The following PTPRC variants were observed in gnomAD, a reference collection of about 807,000 sequenced individuals.
The protein encoded by PTPRC is protein tyrosine phosphatase receptor type C, also known as receptor-type tyrosine-protein phosphatase C.
PTPRC carries 44 observed loss-of-function variants against 155.9 expected under a neutral mutation model. The ratio of observed to expected loss-of-function variants is 0.28; its 90% CI spans 0.22 to 0.36. The LOEUF (loss-of-function observed/expected upper bound fraction) is 0.36, where lower values mean the gene tolerates loss of function less well. PTPRC is among the 10% of genes least tolerant of loss of function. The pLI is 1.00. For missense variants in PTPRC, 1,401 were observed against 1,564.6 expected (o/e 0.90, Z 1.76); for synonymous variants, 525 against 533.1 (o/e 0.98, Z 0.21).
At chr1:198,694,398 A>T (rs1041008451) in intron 3 of PTPRC, 4 of 1,118,732 alleles carry the variant, frequency 3.6e-6, no homozygotes, top group African/African-American at 1.6e-5. Flanking sequence ...CAATACGCTC[A>T]CAGGCACACC....
At position 198,640,696 on chromosome 1, in the gene PTPRC, A is replaced by T. The variant is rs558156275; in HGVS notation, c.73+1355A>T. 3.9e-5 allele frequency among the ~76,000 whole-genome samples: 6 copies of T among 152,150 alleles called. No homozygotes were observed. The South Asian group carries it at 1.2e-3, about 32-fold the overall frequency. On this transcript the variant is annotated intron_variant, in intron 2 of 32. Transcript: ENST00000442510. ...AAATCAGAACAGATTTTCATTTAAA[A>T]TTCCCACTCAGGAAATGTCGAAAAG...
chr1:198,709,377 G>A (rs1653165185), intron 10 of PTPRC, among the ~76,000 whole-genome samples: 1 of 151,848 alleles, frequency 6.6e-6, no homozygotes, highest in African/African-American at 2.4e-5. Context: ...AATGAATTTT[G>A]CATTTGAACT....
At chr1:198,643,908 C>G (rs536479078) in intron 2 of PTPRC, among the ~76,000 whole-genome samples, 3 of 151,938 alleles carry the variant, frequency 2.0e-5, no homozygotes, top group Admixed American at 1.3e-4. Flanking sequence ...ATTATTTGCA[C>G]GACAAAAGTT....
intron 2 of PTPRC, among the ~76,000 whole-genome samples, chr1:198,666,824 A>G (rs1664338879): frequency 6.6e-6 from 1 of 152,190 alleles, no homozygotes; most frequent in East Asian, 1.9e-4. Context: ...TGAGTATAAG[A>G]TACCTCAGTC....
At chr1:198,736,693 G>A (rs1001059460) in intron 23 of PTPRC, among the ~76,000 whole-genome samples, 1 of 151,506 alleles carries the variant, frequency 6.6e-6, no homozygotes, top group Admixed American at 6.6e-5. Context: ...CTTTCTTTGC[G>A]GTATATACCT....
At chr1:198,692,494 G>A in intron 3 of PTPRC, 121 bp downstream of exon 3, 2 of 1,125,326 alleles carry the variant, frequency 1.8e-6, no homozygotes, top group South Asian at 6.2e-5. Flanking sequence ...TTATAATCAT[G>A]AGTGATTCTT....
chr1:198,697,967 A>G, intron 4 of PTPRC, among the ~76,000 whole-genome samples: 1 of 152,182 alleles, frequency 6.6e-6, no homozygotes, highest in East Asian at 1.9e-4. Context: ...AGTAACTAGG[A>G]CCTGTCTAAA....
intron 2 of PTPRC, among the ~76,000 whole-genome samples, chr1:198,648,757 G>A (rs185452617): frequency 6.6e-6 from 1 of 151,900 alleles, no homozygotes; most frequent in Non-Finnish European, 1.5e-5. Context: ...ATACTGATGT[G>A]ATGTGTTACA....
intron 12 of PTPRC, among the ~76,000 whole-genome samples, chr1:198,716,176 G>A (rs1175598780): frequency 1.3e-5 from 2 of 152,044 alleles, no homozygotes; most frequent in South Asian, 2.1e-4. Context: ...CACAGCTCCC[G>A]TTAATTACTG....
intron 2 of PTPRC, among the ~76,000 whole-genome samples, chr1:198,690,271 AT>A (rs1475698075): frequency 6.6e-6 from 1 of 152,082 alleles, no homozygotes; most frequent in Non-Finnish European, 1.5e-5. Context: ...CTATACTAAT[AT>A]TTTTTTCTTA....
In PTPRC at chr1:198,722,434, G is replaced by A. The variant is rs760244730; in HGVS notation, c.1678G>A (p.Asp560Asn). ...AATTCAGGCCTATTTTCACAATGGA[G>A]ACTATCCTGGAGAACCCTTTATTTT... The part of the protein sequence containing the change: ...YTFKAYFHNG[D>N]YPGEPFILHH... The change falls in exon 15 of 33, where the codon GAC becomes AAC. Residue 560 changes from aspartate (D) to asparagine (N), a missense_variant. By Grantham distance (23) the Asp-to-Asn change is conservative. Around this residue, in one of 3 missense-constraint regions of PTPRC, gnomAD observed 867 missense variants for 970.4 expected, o/e 0.89. Transcript: ENST00000442510. The A allele has an allele frequency of 1.9e-5, 27 of 1,456,744 alleles. No individual in the cohort carries two copies. Among genetic ancestry groups the A allele is most frequent in the Non-Finnish European group, 2.1e-5 (23 of 1,096,826 alleles). The allele number at this position is 1,456,744 out of a possible 1,614,324, so 90.2% of individuals were successfully genotyped here. A position where few individuals can be genotyped will look rare whatever the true frequency, so the allele number is the denominator to read the frequency against.
At chr1:198,675,708 T>C (rs1342711348) in intron 2 of PTPRC, among the ~76,000 whole-genome samples, 1 of 152,170 alleles carries the variant, frequency 6.6e-6, no homozygotes, top group East Asian at 1.9e-4. Flanking sequence ...AGTATGCTGG[T>C]AAACTGATCA....
chr1:198,732,208 A>G (rs559589053), intron 18 of PTPRC, 92 bp from the exon 19 acceptor site: 2 of 952,870 alleles, frequency 2.1e-6, no homozygotes, highest in East Asian at 5.1e-5. Context: ...AATATTTTAC[A>G]GGATATCTCA....
chr1:198,697,565 A>T (rs896174858), intron 4 of PTPRC, among the ~76,000 whole-genome samples: 4 of 152,180 alleles, frequency 2.6e-5, no homozygotes, highest in African/African-American at 7.2e-5. Flanking sequence ...TCCTTAGAAT[A>T]CTGATATATG....
intron 14 of PTPRC, among the ~76,000 whole-genome samples, chr1:198,720,121 T>C (rs1447498968): frequency 6.6e-6 from 1 of 152,158 alleles, no homozygotes; most frequent in African/African-American, 2.4e-5. Flanking sequence ...TTGTGTGTTA[T>C]TCTCTCAGAG....
At chr1:198,748,615 A>G (rs1041873131) in intron 27 of PTPRC, among the ~76,000 whole-genome samples, 1 of 151,766 alleles carries the variant, frequency 6.6e-6, no homozygotes, top group African/African-American at 2.4e-5. Flanking sequence ...TATCCCTTAT[A>G]ACTGGGAGGT....
At position 198,750,547 on chromosome 1, in the gene PTPRC, T is replaced by C. The variant is rs757755223; in HGVS notation, c.3128T>C (p.Ile1043Thr). The C allele has an allele frequency of 1.2e-6, 2 of 1,611,872 alleles. No homozygotes were observed. Among genetic ancestry groups the C allele is most frequent in the East Asian group, 2.2e-5 (1 of 44,802 alleles). The change falls in exon 29 of 33, where the codon ATT becomes ACT. Residue 1043 changes from isoleucine to threonine, a missense_variant. Ile to Thr is a moderately conservative substitution (Grantham distance 89). Around this residue, in one of 3 missense-constraint regions of PTPRC, gnomAD observed 400 missense variants for 389.5 expected, o/e 1.03. Transcript: ENST00000442510. ...IAAQGPLKET[I>T]GDFWQMIFQR... is the part of the protein sequence containing the mutation. ...GCTCAGGGACCACTGAAGGAGACCATTGGTGACTTTTGGCAGATGATCTTC... is the reference window on the plus strand; with the variant it reads ...GCTCAGGGACCACTGAAGGAGACCACTGGTGACTTTTGGCAGATGATCTTC...
intron 10 of PTPRC, 111 bp downstream of exon 10, chr1:198,708,372 C>A: frequency 1.9e-6 from 2 of 1,073,680 alleles, no homozygotes; most frequent in Non-Finnish European, 2.7e-6. Context: ...CTCTCTTGTT[C>A]TCCCTCTGTT....
intron 25 of PTPRC, among the ~76,000 whole-genome samples, chr1:198,743,673 T>C (rs931865536): frequency 3.3e-5 from 5 of 151,896 alleles, no homozygotes; most frequent in Non-Finnish European, 5.9e-5. Context: ...ACTTGCTTTT[T>C]TATCTCTTGA....
Sources: gnomAD v4.1 joint callset for allele counts (sites outside exome capture counted in the v4.1 genomes callset) on GRCh38, gnomAD v4.1.1 for gene constraint, gnomAD v4.1.1 regional missense constraint, MANE v1.5 for transcripts, NCBI Gene and HGNC (gene_info 2026-07-23, HGNC 2026-07-21) for gene names.